The following LINGO2 variants were observed in gnomAD, a reference collection of about 807,000 sequenced individuals.
The protein encoded by LINGO2 is leucine rich repeat and Ig domain containing 2.
In LINGO2, 14 loss-of-function variants were observed where a neutral mutation model predicts 30.6. That is an observed-to-expected ratio of 0.46 (90% CI 0.30 to 0.72). LINGO2 has a LOEUF of 0.72. LINGO2 is among the 30% of genes least tolerant of loss of function. LINGO2 has a pLI of 0.07. For missense variants in LINGO2, 729 were observed against 751.7 expected (o/e 0.97, Z 0.35); for synonymous variants, 317 against 288.5 (o/e 1.10, Z -1.00).
the LINGO2 span, among the ~76,000 whole-genome samples, chr9:29,149,739 G>A: frequency 6.6e-6 from 1 of 152,132 alleles, no homozygotes; most frequent in African/African-American, 2.4e-5. Context: ...AGTGTACGTG[G>A]AGCCCAAAGG....
chr9:28,463,698 GA>G (rs1282270743), intron 2 of LINGO2, among the ~76,000 whole-genome samples: 3 of 152,162 alleles, frequency 2.0e-5, no homozygotes, highest in Admixed American at 6.5e-5. Context: ...TGGCTTCAGG[GA>G]AGGGGAGAGA....
At chr9:28,736,618 C>G in the LINGO2 span, among the ~76,000 whole-genome samples, 2 of 151,952 alleles carry the variant, frequency 1.3e-5, no homozygotes, top group South Asian at 4.1e-4. Context: ...TGGCGAAACC[C>G]CATCTCTACC....
the LINGO2 span, among the ~76,000 whole-genome samples, chr9:28,953,905 G>T: frequency 6.6e-6 from 1 of 151,976 alleles, no homozygotes; most frequent in Non-Finnish European, 1.5e-5. Context: ...ATGACTGCTT[G>T]ATCATCATGC....
At chr9:28,449,990 G>A (rs1027795310) in intron 2 of LINGO2, among the ~76,000 whole-genome samples, 11 of 151,936 alleles carry the variant, frequency 7.2e-5, no homozygotes, top group Non-Finnish European at 1.0e-4. Flanking sequence ...TGGATTCGTA[G>A]GCACACCATT....
the LINGO2 span, among the ~76,000 whole-genome samples, chr9:28,861,777 A>G: frequency 6.6e-6 from 1 of 151,892 alleles, no homozygotes; most frequent in African/African-American, 2.4e-5. Flanking sequence ...AAAAAACACA[A>G]AACCTACACT....
chr9:29,199,038 T>A, the LINGO2 span, among the ~76,000 whole-genome samples: 1 of 152,174 alleles, frequency 6.6e-6, no homozygotes, highest in East Asian at 1.9e-4. Flanking sequence ...CCACAAGGAT[T>A]AATTTCTTGT....
chr9:28,017,788 G>C (rs752781905), intron 4 of LINGO2, among the ~76,000 whole-genome samples: 11 of 152,092 alleles, frequency 7.2e-5, no homozygotes, highest in Non-Finnish European at 1.3e-4. Context: ...GCTGCCCAAA[G>C]CAGTATGATT....
intron 4 of LINGO2, among the ~76,000 whole-genome samples, chr9:28,141,585 C>T (rs1405988762): frequency 6.6e-6 from 1 of 152,164 alleles, no homozygotes; most frequent in Non-Finnish European, 1.5e-5. Flanking sequence ...TTACAGTCTC[C>T]TCATTAGTCT....
chr9:28,745,590 C>A, the LINGO2 span, among the ~76,000 whole-genome samples: 1 of 152,002 alleles, frequency 6.6e-6, no homozygotes, highest in Non-Finnish European at 1.5e-5. Context: ...TTGCTTACTT[C>A]ATCATTCTGG....
chr9:28,059,567 C>A (rs148322546), intron 4 of LINGO2, among the ~76,000 whole-genome samples: 7 of 152,210 alleles, frequency 4.6e-5, no homozygotes, highest in Non-Finnish European at 8.8e-5. Flanking sequence ...TGTGAGGAGA[C>A]AGCAGATGAT....
chr9:28,029,520 C>A (rs1366928959), intron 4 of LINGO2, among the ~76,000 whole-genome samples: 2 of 152,098 alleles, frequency 1.3e-5, no homozygotes, highest in Non-Finnish European at 2.9e-5. Flanking sequence ...GGAAATTTAC[C>A]ACTCTGAGTA....
At chr9:28,074,709 G>A (rs1240456215) in intron 4 of LINGO2, among the ~76,000 whole-genome samples, 1 of 152,104 alleles carries the variant, frequency 6.6e-6, no homozygotes, top group Non-Finnish European at 1.5e-5. Context: ...ACTAATTAAT[G>A]CATTGTGTGT....
intron 4 of LINGO2, among the ~76,000 whole-genome samples, chr9:28,032,357 A>T (rs1336096035): frequency 6.6e-6 from 1 of 152,182 alleles, no homozygotes; most frequent in African/African-American, 2.4e-5. Flanking sequence ...CTCCAGGGCT[A>T]TAGGAATGCT....
chr9:28,810,290 C>T, the LINGO2 span, among the ~76,000 whole-genome samples: 1 of 152,016 alleles, frequency 6.6e-6, no homozygotes, highest in African/African-American at 2.4e-5. Flanking sequence ...TAAAGTCAGA[C>T]AAGGATTTTC....
chr9:28,645,001 G>T (rs74698977), intron 1 of LINGO2, among the ~76,000 whole-genome samples: 2,498 of 152,124 alleles, frequency 0.016, 67 homozygotes, highest in African/African-American at 0.056. Context: ...AGGCCAATTT[G>T]AAGATGATAT....
chr9:28,539,586 C>T (rs2135456063), intron 1 of LINGO2, among the ~76,000 whole-genome samples: 1 of 152,158 alleles, frequency 6.6e-6, no homozygotes, highest in East Asian at 1.9e-4. Flanking sequence ...ACTGTGTTAC[C>T]TGTTTGAGCT....
intron 4 of LINGO2, among the ~76,000 whole-genome samples, chr9:28,092,176 C>A (rs764740552): frequency 1.3e-5 from 2 of 152,130 alleles, no homozygotes; most frequent in South Asian, 4.1e-4. Flanking sequence ...TACCATTTGA[C>A]CCAGCCATCC....
chr9:28,635,554 G>C (rs1029379500), intron 1 of LINGO2, among the ~76,000 whole-genome samples: 4 of 151,836 alleles, frequency 2.6e-5, no homozygotes, highest in Admixed American at 1.3e-4. Context: ...GAAGAGATGG[G>C]GGAATCAGCA....
intron 1 of LINGO2, among the ~76,000 whole-genome samples, chr9:28,567,286 C>A (rs2135576699): frequency 6.6e-6 from 1 of 152,094 alleles, no homozygotes; most frequent in Non-Finnish European, 1.5e-5. Context: ...GCAATACCAC[C>A]ATTGGCTATT....
Sources: gnomAD v4.1 joint callset for allele counts (sites outside exome capture counted in the v4.1 genomes callset) on GRCh38, gnomAD v4.1.1 for gene constraint, MANE v1.5 for transcripts, NCBI Gene and HGNC (gene_info 2026-07-23, HGNC 2026-07-21) for gene names.